The following PARD3 variants were observed in gnomAD, a reference collection of about 807,000 sequenced individuals.
The protein encoded by PARD3 is partitioning defective 3 homolog.
In PARD3, 75 loss-of-function variants were observed where a neutral mutation model predicts 155.4. The ratio of observed to expected loss-of-function variants is 0.48; its 90% CI spans 0.40 to 0.58. The LOEUF is 0.58. Among genes scored for constraint, PARD3 ranks in the 20% least tolerant of loss-of-function variants. The probability of loss-of-function intolerance (pLI) is 0.00; values close to 1 mark genes in which losing one functional copy is unlikely to be tolerated. For missense variants in PARD3, 1,642 were observed against 1,721.7 expected, an observed-to-expected ratio of 0.95 and a Z score of 0.82; for synonymous variants, 576 against 610.5, an observed-to-expected ratio of 0.94 and a Z score of 0.83.
rs188279099 is a variant in PARD3 at position 34,533,499 on chromosome 10, A to G, written c.223-16340T>C. ...ATATCAACTATAAGAGAATTATAACATGAGAATACCAAAAATATGATTGCA... is the reference window on the plus strand; with the variant it reads ...ATATCAACTATAAGAGAATTATAACGTGAGAATACCAAAAATATGATTGCA... On this transcript the variant is annotated intron_variant, in intron 2 of 24. Transcript: ENST00000374788. 6.6e-5 allele frequency among the ~76,000 whole-genome samples: 10 copies of G among 152,034 alleles called. No individual in the cohort carries two copies. In the East Asian group the frequency reaches 1.9e-3, roughly 29 times the overall value.
intron 23 of PARD3, among the ~76,000 whole-genome samples, chr10:34,128,270 T>C (rs1253249169): frequency 6.6e-6 from 1 of 152,192 alleles, no homozygotes. Context: ...TCTGCCACTC[T>C]GAGACAAGAC....
intron 1 of PARD3, among the ~76,000 whole-genome samples, chr10:34,730,302 T>A (rs1415198264): frequency 2.0e-5 from 3 of 151,736 alleles, no homozygotes; most frequent in East Asian, 3.9e-4. Flanking sequence ...AAAATCCAAT[T>A]TTTTTTTTCC....
At chr10:34,185,953 G>T (rs1241336055) in intron 22 of PARD3, among the ~76,000 whole-genome samples, 1 of 151,744 alleles carries the variant, frequency 6.6e-6, no homozygotes, top group Non-Finnish European at 1.5e-5. Flanking sequence ...CAACCCCAGG[G>T]GTTACGTATC....
intron 2 of PARD3, among the ~76,000 whole-genome samples, chr10:34,555,291 T>G (rs576161745): frequency 6.6e-6 from 1 of 152,158 alleles, no homozygotes; most frequent in East Asian, 1.9e-4. Context: ...AAAAATAAAG[T>G]CCTTTTTTTT....
chr10:34,329,161 T>C (rs1835351610), intron 19 of PARD3, among the ~76,000 whole-genome samples: 1 of 152,200 alleles, frequency 6.6e-6, no homozygotes, highest in African/African-American at 2.4e-5. Context: ...CAGATGTCCA[T>C]GTTGGTGGGA....
intron 7 of PARD3, among the ~76,000 whole-genome samples, chr10:34,397,980 ATTGT>A (rs1843500885): frequency 6.6e-6 from 1 of 152,234 alleles, no homozygotes; most frequent in Non-Finnish European, 1.5e-5. Flanking sequence ...TGAAAATAAT[ATTGT>A]TTAACTATAA....
chr10:34,399,239 A>G, intron 7 of PARD3, 91 bp downstream of exon 7: 1 of 824,794 alleles, frequency 1.2e-6, no homozygotes. Context: ...TATTAAGCAT[A>G]TGCTAAGTCA....
chr10:34,287,034 GAAGGA>G (rs1027326533), intron 20 of PARD3, among the ~76,000 whole-genome samples: 1 of 152,096 alleles, frequency 6.6e-6, no homozygotes, highest in African/African-American at 2.4e-5. Context: ...CAGGGCCAGG[GAAGGA>G]AAAGGTTTGG....
chr10:34,187,493 GA>G (rs572811934), intron 22 of PARD3, among the ~76,000 whole-genome samples: 1 of 152,112 alleles, frequency 6.6e-6, no homozygotes, highest in Non-Finnish European at 1.5e-5. Flanking sequence ...TCACAGGGGG[GA>G]AAAATCAAAC....
chr10:34,696,409 T>G lies in PARD3; in HGVS notation c.131A>C (p.Tyr44Ser). The G allele has an allele frequency of 1.9e-6, 3 of 1,599,182 alleles. No individual in the cohort carries two copies. The South Asian group carries it at 3.3e-5, about 18-fold the overall frequency. ...TTCCAAGCGATGCACCTGTATCCAGTAGTTTGGATCCTATACGAAAGAACA... is the reference window on the plus strand; with the variant it reads ...TTCCAAGCGATGCACCTGTATCCAGGAGTTTGGATCCTATACGAAAGAACA... ...YRKAIAKDPN[Y>S]WIQVHRLEHG... The change falls in exon 2 of 25, where the codon TAC becomes TCC. Residue 44 changes from tyrosine (Y) to serine (S), a missense_variant. This residue lies in a region of PARD3 where 75 missense variants were observed against 65.3 expected (regional missense o/e 1.15). Coordinates refer to ENST00000374788, the MANE Select transcript of PARD3 (RefSeq NM_001184785.2).
intron 24 of PARD3, among the ~76,000 whole-genome samples, chr10:34,116,312 C>A (rs955643369): frequency 6.6e-6 from 1 of 152,240 alleles, no homozygotes; most frequent in Non-Finnish European, 1.5e-5. Context: ...TTACGCTCCA[C>A]TTTGTAACTA....
intron 22 of PARD3, among the ~76,000 whole-genome samples, chr10:34,216,968 TTTGA>T (rs1952031853): frequency 6.6e-6 from 1 of 152,224 alleles, no homozygotes; most frequent in African/African-American, 2.4e-5. Flanking sequence ...AAAGAAATGC[TTTGA>T]TTTATATAAA....
At chr10:34,671,149 C>T (rs4934643) in intron 2 of PARD3, among the ~76,000 whole-genome samples, 113,885 of 152,188 alleles carry the variant, frequency 0.75, 44,077 homozygotes, top group African/African-American at 0.94. Flanking sequence ...CTGCAACACA[C>T]AGCATAAGAC....
At chr10:34,618,940 C>T (rs1240373249) in intron 2 of PARD3, among the ~76,000 whole-genome samples, 1 of 152,170 alleles carries the variant, frequency 6.6e-6, no homozygotes, top group South Asian at 2.1e-4. Context: ...AAGGTTTCCT[C>T]TTTGTCCTCA....
chr10:34,385,302 T>C lies in PARD3; in HGVS notation c.891-1048A>G, dbSNP rs573139633. Reference sequence around the variant, plus strand: ...GCATGCGCCACCATGCCCAGCTAATTTTTTTGTATTTTTAGTAGAGCTGGG... The same window carrying C: ...GCATGCGCCACCATGCCCAGCTAATCTTTTTGTATTTTTAGTAGAGCTGGG... On this transcript the variant is annotated intron_variant, in intron 7 of 24. Coordinates refer to ENST00000374788, the MANE Select transcript of PARD3 (RefSeq NM_001184785.2). 3.0e-3 allele frequency among the ~76,000 whole-genome samples: 452 copies of C among 152,042 alleles called. 2 individuals carry two copies. The highest frequency in any genetic ancestry group is 0.011 in the African/African-American group (439 of 41,488).
intron 2 of PARD3, among the ~76,000 whole-genome samples, chr10:34,558,413 C>T (rs1269228618): frequency 6.6e-6 from 1 of 152,138 alleles, no homozygotes; most frequent in Non-Finnish European, 1.5e-5. Context: ...TGATAAAATA[C>T]TTATCATTCT....
intron 2 of PARD3, among the ~76,000 whole-genome samples, chr10:34,677,777 A>C (rs1315962424): frequency 6.6e-6 from 1 of 152,182 alleles, no homozygotes; most frequent in Non-Finnish European, 1.5e-5. Flanking sequence ...CAGCTCGAAA[A>C]TCACCGTTCT....
chr10:34,318,654 GAA>G (rs1958167966), intron 19 of PARD3, among the ~76,000 whole-genome samples: 1 of 152,178 alleles, frequency 6.6e-6, no homozygotes, highest in Non-Finnish European at 1.5e-5. Context: ...TCACAAATCT[GAA>G]AAGAGACTAT....
chr10:34,138,881 C>G lies in PARD3; in HGVS notation c.3420-7298G>C, dbSNP rs147453894. On this transcript the variant is annotated intron_variant, in intron 22 of 24. Transcript: ENST00000374788. Reference sequence around the variant, plus strand: ...CTGCAGATGAAAAAGGAACATTATTCTTTTCCCAATTAAAAAAAAATTCAA... The same window carrying G: ...CTGCAGATGAAAAAGGAACATTATTGTTTTCCCAATTAAAAAAAAATTCAA... Among the ~76,000 whole-genome samples the G allele has an allele frequency of 4.0e-5, 6 of 151,302 alleles. No individual in the cohort carries two copies. In the East Asian group the frequency reaches 1.2e-3, roughly 29 times the overall value.
Sources: allele counts gnomAD v4.1 joint callset (sites outside exome capture counted in the v4.1 genomes callset), GRCh38; gene constraint gnomAD v4.1.1; regional missense constraint gnomAD v4.1.1; transcripts MANE v1.5; gene names NCBI Gene and HGNC (gene_info 2026-07-23, HGNC 2026-07-21).